The following LRRC7 variants were observed in gnomAD, a reference collection of about 807,000 sequenced individuals.
The protein encoded by LRRC7 is leucine-rich repeat-containing protein 7.
A neutral mutation model predicts 175.7 loss-of-function variants in LRRC7; 23 were observed. That is an observed-to-expected ratio of 0.13 (90% confidence interval 0.09 to 0.19). The LOEUF is 0.19. Among genes scored for constraint, LRRC7 ranks in the 10% least tolerant of loss-of-function variants. The pLI, the probability that LRRC7 is intolerant of heterozygous loss-of-function variation, is 1.00. For missense variants in LRRC7, 1,354 were observed against 1,904.7 expected (o/e 0.71, Z 5.38); for synonymous variants, 685 against 680.9 (o/e 1.01, Z -0.09).
intron 11 of LRRC7, among the ~76,000 whole-genome samples, chr1:69,996,785 T>C (rs1419847994): frequency 6.6e-6 from 1 of 151,916 alleles, no homozygotes; most frequent in Non-Finnish European, 1.5e-5. Flanking sequence ...AGTACCATGC[T>C]GTTTTGGTTA....
intron 2 of LRRC7, among the ~76,000 whole-genome samples, chr1:69,744,083 T>G (rs1669005652): frequency 6.6e-6 from 1 of 151,218 alleles, no homozygotes; most frequent in South Asian, 2.1e-4. Context: ...AAAAAAATAT[T>G]TATTATACTA....
chr1:69,825,287 C>A (rs973111408), intron 4 of LRRC7, among the ~76,000 whole-genome samples: 1 of 152,106 alleles, frequency 6.6e-6, no homozygotes, highest in African/African-American at 2.4e-5. Flanking sequence ...TGGGTGTATT[C>A]CTAAGTATTT....
intron 7 of LRRC7, among the ~76,000 whole-genome samples, chr1:69,881,749 G>T (rs1686624930): frequency 6.6e-6 from 1 of 151,574 alleles, no homozygotes; most frequent in South Asian, 2.1e-4. Flanking sequence ...GAGTGGTAGT[G>T]CATGCTTGTG....
chr1:69,825,195 G>A (rs1557777220), intron 4 of LRRC7, among the ~76,000 whole-genome samples: 3 of 152,214 alleles, frequency 2.0e-5, no homozygotes, highest in Admixed American at 6.5e-5. Context: ...CAGATGCAGA[G>A]CTACACTCTG....
At chr1:69,675,692 A>G (rs1659665961) in intron 1 of LRRC7, among the ~76,000 whole-genome samples, 1 of 152,134 alleles carries the variant, frequency 6.6e-6, no homozygotes, top group African/African-American at 2.4e-5. Flanking sequence ...AATTAATTCA[A>G]GAGTCAGAAA....
chr1:69,755,349 CAT>C lies in LRRC7; in HGVS notation c.101-4830_101-4829del, dbSNP rs144848619. Among the ~76,000 whole-genome samples, 77 of 144,348 alleles carry C rather than the reference CAT, an allele frequency of 5.3e-4. 1 individual carries two copies. The South Asian group carries it at 0.014, about 26-fold the overall frequency. 94.7% of individuals were successfully genotyped at this position (144,348 alleles called of 152,430 possible). A position where few individuals can be genotyped will look rare whatever the true frequency, so the allele number is the denominator to read the frequency against. On this transcript the variant is annotated intron_variant, in intron 2 of 26. Coordinates refer to ENST00000651989, the MANE Select transcript of LRRC7 (RefSeq NM_001370785.2). ...CAAAAGGAATATATATATACACACA[CAT>C]ATATATATATAATCTATCCTTGCAA...
intron 2 of LRRC7, among the ~76,000 whole-genome samples, chr1:69,721,363 C>G (rs1666332124): frequency 6.6e-6 from 1 of 151,900 alleles, no homozygotes; most frequent in Non-Finnish European, 1.5e-5. Context: ...TAAAACTCCT[C>G]TGTGCTCCAT....
At chr1:69,859,233 T>C (rs777638914) in intron 7 of LRRC7, among the ~76,000 whole-genome samples, 1 of 152,152 alleles carries the variant, frequency 6.6e-6, no homozygotes, top group Non-Finnish European at 1.5e-5. Flanking sequence ...TATATGAGAA[T>C]CATATTAAGA....
At chr1:70,023,809 A>C (rs778453186) in intron 17 of LRRC7, among the ~76,000 whole-genome samples, 1 of 152,128 alleles carries the variant, frequency 6.6e-6, no homozygotes, top group Non-Finnish European at 1.5e-5. Flanking sequence ...ATCAGATTTA[A>C]ATTGAGATTT....
At chr1:69,806,043 G>A (rs575999661) in intron 4 of LRRC7, among the ~76,000 whole-genome samples, 19 of 151,856 alleles carry the variant, frequency 1.3e-4, no homozygotes, top group African/African-American at 3.6e-4. Context: ...ACTTAAATGG[G>A]CAATGAAGCA....
chr1:69,801,980 A>G (rs1557748190), intron 4 of LRRC7, among the ~76,000 whole-genome samples: 1 of 150,898 alleles, frequency 6.6e-6, no homozygotes, highest in East Asian at 1.9e-4. Flanking sequence ...TATTGACCAA[A>G]CATTGTTCAG....
At chr1:69,856,628 A>G (rs1474551854) in intron 7 of LRRC7, among the ~76,000 whole-genome samples, 1 of 152,186 alleles carries the variant, frequency 6.6e-6, no homozygotes, top group South Asian at 2.1e-4. Flanking sequence ...TTAATAGCCT[A>G]CTAACCAAAA....
intron 1 of LRRC7, among the ~76,000 whole-genome samples, chr1:69,616,310 T>C (rs1013271926): frequency 1.3e-5 from 2 of 152,044 alleles, no homozygotes; most frequent in East Asian, 1.9e-4. Flanking sequence ...TGCACTTACA[T>C]TTGAAAATGA....
At chr1:69,851,656 A>C (rs1380583430) in intron 7 of LRRC7, among the ~76,000 whole-genome samples, 1 of 152,150 alleles carries the variant, frequency 6.6e-6, no homozygotes, top group Non-Finnish European at 1.5e-5. Flanking sequence ...GCACAAGTAG[A>C]AAATATTAGA....
At chr1:69,857,093 C>A (rs528856809) in intron 7 of LRRC7, among the ~76,000 whole-genome samples, 105 of 152,074 alleles carry the variant, frequency 6.9e-4, no homozygotes, top group Non-Finnish European at 8.4e-4. Flanking sequence ...TCAATAAATT[C>A]GGTATTGATG....
rs527800026 is a variant in LRRC7, at chr1:69,925,507, C to T, written c.648-6000C>T. On this transcript the variant is annotated intron_variant, in intron 7 of 26. Transcript: ENST00000651989. ...GTTATTGGTCTATTCAGAGATTCAA[C>T]TTCTTCCTGGTTTAGTCTTGGGAGG... Among the ~76,000 whole-genome samples the T allele has an allele frequency of 8.0e-3, 1,212 of 152,156 alleles. 14 individuals are homozygous for T. The highest frequency in any genetic ancestry group is 0.027 in the African/African-American group (1,110 of 41,492).
intron 7 of LRRC7, among the ~76,000 whole-genome samples, chr1:69,897,168 A>G (rs905651102): frequency 6.6e-6 from 1 of 152,206 alleles, no homozygotes; most frequent in Admixed American, 6.5e-5. Flanking sequence ...ACAGAGAAGT[A>G]GAATGTCATA....
intron 25 of LRRC7, among the ~76,000 whole-genome samples, chr1:70,103,872 T>C (rs1414081133): frequency 6.6e-6 from 1 of 152,206 alleles, no homozygotes; most frequent in Admixed American, 6.5e-5. Context: ...AGCAGTTTTA[T>C]GATAAAGTTT....
intron 8 of LRRC7, among the ~76,000 whole-genome samples, chr1:69,937,143 T>G (rs1410253): frequency 0.042 from 6,445 of 152,260 alleles, 205 homozygotes; most frequent in East Asian, 0.15. Context: ...TAATCACAGT[T>G]TGTTTTCTTG....
Sources: gnomAD v4.1 joint callset for allele counts (sites outside exome capture counted in the v4.1 genomes callset) on GRCh38, gnomAD v4.1.1 for gene constraint, MANE v1.5 for transcripts, NCBI Gene and HGNC (gene_info 2026-07-23, HGNC 2026-07-21) for gene names.